Variants in PTPRD observed in about 807,000 individuals in gnomAD.
The protein encoded by PTPRD is protein tyrosine phosphatase receptor type D, also known as receptor-type tyrosine-protein phosphatase delta.
PTPRD carries 34 observed loss-of-function variants against 214.5 expected under a neutral mutation model. That is an observed-to-expected ratio of 0.16 (90% confidence interval 0.12 to 0.21). The LOEUF (loss-of-function observed/expected upper bound fraction) is 0.21. Ranked by LOEUF, PTPRD falls within the 10% of genes least tolerant of loss-of-function variation. PTPRD has a pLI of 1.00. For missense variants in PTPRD, 2,545 were observed against 2,398.7 expected, an observed-to-expected ratio of 1.06 and a Z score of -1.27; for synonymous variants, 1,128 against 845.7, an observed-to-expected ratio of 1.33 and a Z score of -5.79.
At chr9:9,101,187 C>T (rs73395854) in intron 10 of PTPRD, among the ~76,000 whole-genome samples, 18,631 of 151,114 alleles carry the variant, frequency 0.12, 1,363 homozygotes, top group East Asian at 0.23. Context: ...AAAACAAACC[C>T]GAAACAAACA....
At chr9:10,271,011 G>A (rs1051383381) in intron 3 of PTPRD, among the ~76,000 whole-genome samples, 1 of 152,040 alleles carries the variant, frequency 6.6e-6, no homozygotes, top group Admixed American at 6.6e-5. Context: ...AAAATGTAGA[G>A]ATAGGGTCTT....
Position 10,043,742 on chromosome 9 carries a change from G to T in PTPRD, c.-544-9952C>A, listed in dbSNP as rs115124025. On this transcript the variant is annotated intron_variant, in intron 3 of 45. Coordinates refer to ENST00000381196, the MANE Select transcript of PTPRD (RefSeq NM_002839.4). The stretch of plus-strand genomic sequence containing the variant: ...AGGAGACATTCTAGGTAAGGATGAA[G>T]CCACTGGTGCTGCAGAATCATCCCT... Among the ~76,000 whole-genome samples the T allele has an allele frequency of 4.0e-3, 612 of 151,932 alleles. 5 individuals are homozygous for T. The highest frequency in any genetic ancestry group is 0.013 in the African/African-American group (553 of 41,514).
intron 11 of PTPRD, among the ~76,000 whole-genome samples, chr9:8,886,088 A>G (rs1468800965): frequency 6.6e-6 from 1 of 152,208 alleles, no homozygotes; most frequent in African/African-American, 2.4e-5. Flanking sequence ...TCAAAAAGAG[A>G]TTTGTGTCTA....
intron 8 of PTPRD, among the ~76,000 whole-genome samples, chr9:9,561,908 G>A: frequency 6.6e-6 from 1 of 152,198 alleles, no homozygotes; most frequent in South Asian, 2.1e-4. Context: ...TATACATGCT[G>A]CTTTAAGGAT....
intron 2 of PTPRD, among the ~76,000 whole-genome samples, chr9:10,433,197 T>G (rs1192304119): frequency 6.6e-6 from 1 of 151,944 alleles, no homozygotes; most frequent in Non-Finnish European, 1.5e-5. Flanking sequence ...CTTATTACCT[T>G]TCCTAGTCCT....
intron 35 of PTPRD, among the ~76,000 whole-genome samples, chr9:8,408,225 C>A (rs1175281475): frequency 6.6e-6 from 1 of 152,056 alleles, no homozygotes; most frequent in Non-Finnish European, 1.5e-5. Context: ...CCTGACCATG[C>A]ATCTTTTTTA....
chr9:9,275,014 C>T (rs1274112390), intron 9 of PTPRD, among the ~76,000 whole-genome samples: 1 of 123,196 alleles, frequency 8.1e-6, no homozygotes, highest in African/African-American at 3.1e-5. Context: ...TTTCTTCAAA[C>T]TGATTGGACC....
chr9:9,835,698 G>A (rs1290079170), intron 5 of PTPRD, among the ~76,000 whole-genome samples: 1 of 152,076 alleles, frequency 6.6e-6, no homozygotes, highest in Non-Finnish European at 1.5e-5. Context: ...ACCAAAGTAA[G>A]TATTTCCTGA....
At chr9:9,454,848 T>C (rs1353773951) in intron 8 of PTPRD, among the ~76,000 whole-genome samples, 2 of 151,144 alleles carry the variant, frequency 1.3e-5, no homozygotes, top group African/African-American at 2.4e-5. Flanking sequence ...CATATATATA[T>C]ACACATATAT....
At chr9:8,756,385 A>G (rs1252210022) in intron 11 of PTPRD, among the ~76,000 whole-genome samples, 1 of 152,212 alleles carries the variant, frequency 6.6e-6, no homozygotes, top group Admixed American at 6.5e-5. Context: ...AACATGCAAG[A>G]TTTGTGTGAA....
At chr9:10,170,473 C>G (rs963383799) in intron 3 of PTPRD, among the ~76,000 whole-genome samples, 2 of 152,100 alleles carry the variant, frequency 1.3e-5, no homozygotes, top group Non-Finnish European at 2.9e-5. Context: ...AGGCAGATCA[C>G]GAGGTCAGGA....
chr9:8,756,658 G>T (rs1443990782), intron 11 of PTPRD, among the ~76,000 whole-genome samples: 1 of 151,984 alleles, frequency 6.6e-6, no homozygotes, highest in African/African-American at 2.4e-5. Flanking sequence ...CCATGCTTAG[G>T]AATTTCCAAG....
intron 9 of PTPRD, among the ~76,000 whole-genome samples, chr9:9,303,669 T>C (rs147934803): frequency 2.6e-5 from 4 of 152,182 alleles, no homozygotes; most frequent in African/African-American, 7.2e-5. Context: ...GAGATTTTAA[T>C]GAAAACACAA....
At chr9:8,356,991 G>T (rs902744716) in intron 39 of PTPRD, among the ~76,000 whole-genome samples, 4 of 152,040 alleles carry the variant, frequency 2.6e-5, no homozygotes, top group East Asian at 1.9e-4. Context: ...TTTTATCAAA[G>T]AAATTTATAA....
At chr9:9,066,653 T>C (rs1216728998) in intron 10 of PTPRD, among the ~76,000 whole-genome samples, 1 of 152,102 alleles carries the variant, frequency 6.6e-6, no homozygotes, top group East Asian at 1.9e-4. Context: ...ATCTCAGATA[T>C]GCTTGTAAGA....
chr9:9,314,269 T>G (rs901040112), intron 9 of PTPRD, among the ~76,000 whole-genome samples: 5 of 152,134 alleles, frequency 3.3e-5, no homozygotes, highest in Non-Finnish European at 5.9e-5. Context: ...ATTCCATTAT[T>G]TTTAACGGAA....
intron 8 of PTPRD, among the ~76,000 whole-genome samples, chr9:9,460,267 T>C (rs2093519647): frequency 1.3e-5 from 2 of 152,136 alleles, no homozygotes; most frequent in Non-Finnish European, 2.9e-5. Context: ...AAAACTCTTC[T>C]GGACATTGAC....
At chr9:10,027,598 AT>A (rs1439665462) in intron 4 of PTPRD, among the ~76,000 whole-genome samples, 1 of 152,236 alleles carries the variant, frequency 6.6e-6, no homozygotes, top group Non-Finnish European at 1.5e-5. Flanking sequence ...AGCATTTGTT[AT>A]AACAATATAT....
At chr9:9,548,114 G>T (rs1381592041) in intron 8 of PTPRD, among the ~76,000 whole-genome samples, 2 of 151,800 alleles carry the variant, frequency 1.3e-5, no homozygotes, top group Non-Finnish European at 2.9e-5. Flanking sequence ...GTCATCAGCA[G>T]ATATGCACTT....
Sources: allele counts gnomAD v4.1 joint callset (sites outside exome capture counted in the v4.1 genomes callset), GRCh38; gene constraint gnomAD v4.1.1; transcripts MANE v1.5; gene names NCBI Gene and HGNC (gene_info 2026-07-23, HGNC 2026-07-21).